TRIM44: variants seen among roughly 807,000 people sequenced by gnomAD.
TRIM44 encodes tripartite motif-containing protein 44.
A neutral mutation model predicts 37.4 loss-of-function variants in TRIM44; 13 were observed. The ratio of observed to expected loss-of-function variants is 0.35; its 90% CI spans 0.23 to 0.55. The LOEUF is 0.55. Ranked by LOEUF, TRIM44 falls within the 20% of genes least tolerant of loss-of-function variation. The probability of loss-of-function intolerance (pLI) is 0.89; values close to 1 mark genes in which losing one functional copy is unlikely to be tolerated. For synonymous variants in TRIM44, 175 were observed against 157.2 expected (o/e 1.11, Z -0.85); for missense variants, 426 against 437.2 (o/e 0.97, Z 0.23).
chr11:35,721,020 C>T (rs1295261475), intron 2 of TRIM44, among the ~76,000 whole-genome samples: 3 of 151,918 alleles, frequency 2.0e-5, no homozygotes, highest in Non-Finnish European at 4.4e-5. Flanking sequence ...TCTCGTGCCT[C>T]AGCCTCCTGA....
intron 3 of TRIM44, among the ~76,000 whole-genome samples, chr11:35,727,003 A>G (rs1479218974): frequency 6.6e-6 from 1 of 152,012 alleles, no homozygotes; most frequent in Non-Finnish European, 1.5e-5. Context: ...CTACAAAAAA[A>G]AAATAAAAAA....
rs184403262 is a variant in TRIM44 at position 35,760,394 on chromosome 11, A to T, written c.1007+24949A>T. Among the ~76,000 whole-genome samples the T allele has an allele frequency of 1.3e-4, 20 of 152,214 alleles. No homozygotes were observed. The East Asian group carries it at 3.7e-3, about 28-fold the overall frequency. On this transcript the variant is annotated intron_variant, in intron 4 of 4. Transcript: ENST00000299413. ...CCTGATGTTACAGGTGCCATCTGTC[A>T]CCCCTTTCTTTGACTAGGAAAGGGA...
chr11:35,807,792 T>TAC lies in TRIM44; in HGVS notation c.*1408_*1409dup, dbSNP rs1236223828. 2.0e-5 allele frequency: 3 copies of TAC among 152,336 alleles called. No homozygotes were observed. In the East Asian group the frequency reaches 5.8e-4, roughly 29 times the overall value. The allele number at this position is 152,336 out of a possible 1,614,324, so 9.4% of individuals were successfully genotyped here. On this transcript the variant is annotated 3_prime_UTR_variant, in exon 5 of 5. Coordinates refer to ENST00000299413, the MANE Select transcript of TRIM44 (RefSeq NM_017583.6). ...AGTGGGTTATGTGTTCACTCTCCTC[T>TAC]ACCTTTATGGTATTTTGGTGTTCAC...
intron 4 of TRIM44, among the ~76,000 whole-genome samples, chr11:35,765,145 A>C (rs1335360153): frequency 2.0e-5 from 3 of 152,132 alleles, no homozygotes; most frequent in African/African-American, 7.2e-5. Context: ...TTACAGAAAA[A>C]ATTTAAATCT....
intron 3 of TRIM44, among the ~76,000 whole-genome samples, chr11:35,729,708 G>A (rs1216908146): frequency 6.6e-6 from 1 of 152,154 alleles, no homozygotes; most frequent in Non-Finnish European, 1.5e-5. Context: ...TAAACTTAAG[G>A]TGACATATGA....
chr11:35,815,399 C>G lies in TRIM44; in HGVS notation c.*9014C>G, dbSNP rs546595429. On this transcript the variant is annotated 3_prime_UTR_variant, in exon 5 of 5. Transcript: ENST00000299413. ...GAACTATGATAGAGGAACAAGATTG[C>G]TCTTTGACTTGGTGATAGTAGGGCA... The G allele has an allele frequency of 7.9e-5, 12 of 152,218 alleles. No individual in the cohort carries two copies. The highest frequency in any genetic ancestry group is 1.3e-4 in the Non-Finnish European group (9 of 68,028). The allele number at this position is 152,218 out of a possible 1,614,324, so 9.4% of individuals were successfully genotyped here. A position where few individuals can be genotyped will look rare whatever the true frequency, so the allele number is the denominator to read the frequency against.
At chr11:35,775,348 A>G (rs903417293) in intron 4 of TRIM44, among the ~76,000 whole-genome samples, 1 of 152,252 alleles carries the variant, frequency 6.6e-6, no homozygotes, top group African/African-American at 2.4e-5. Flanking sequence ...GAAGTTGCTT[A>G]TCAGCTTAAG....
intron 2 of TRIM44, among the ~76,000 whole-genome samples, chr11:35,699,217 G>C (rs562725117): frequency 7.2e-6 from 1 of 139,214 alleles, no homozygotes; most frequent in Non-Finnish European, 1.7e-5. Context: ...GTCAGGTAGC[G>C]TGATGCCTCC....
At chr11:35,686,374 GTT>G (rs577200341) in intron 2 of TRIM44, among the ~76,000 whole-genome samples, 6 of 133,348 alleles carry the variant, frequency 4.5e-5, no homozygotes, top group Admixed American at 7.6e-5. Flanking sequence ...TTTTGTTTTT[GTT>G]TTTTTTTTTT....
At chr11:35,768,344 A>G (rs1716994064) in intron 4 of TRIM44, among the ~76,000 whole-genome samples, 1 of 152,212 alleles carries the variant, frequency 6.6e-6, no homozygotes, top group South Asian at 2.1e-4. Context: ...AAAATAAGTA[A>G]AAGAAGCTAA....
intron 4 of TRIM44, among the ~76,000 whole-genome samples, chr11:35,749,562 G>C (rs1235888654): frequency 6.6e-6 from 1 of 152,174 alleles, no homozygotes; most frequent in Non-Finnish European, 1.5e-5. Flanking sequence ...GCACACACCT[G>C]TAATCCCACC....
chr11:35,741,281 A>T (rs1852394087), intron 4 of TRIM44, among the ~76,000 whole-genome samples: 1 of 152,054 alleles, frequency 6.6e-6, no homozygotes, highest in South Asian at 2.1e-4. Context: ...CATGCTAAGG[A>T]TTGTTTATCC....
intron 4 of TRIM44, among the ~76,000 whole-genome samples, chr11:35,755,001 A>C (rs1409640363): frequency 6.6e-6 from 1 of 152,140 alleles, no homozygotes; most frequent in Non-Finnish European, 1.5e-5. Context: ...ATGTTTTATA[A>C]TCCTTTGGGT....
At chr11:35,663,802 C>T (rs1295901770) in intron 1 of TRIM44, 22 bp downstream of exon 1, 1 of 1,600,714 alleles carries the variant, frequency 6.2e-7, no homozygotes, top group African/African-American at 1.3e-5. Context: ...GCCTTCAGAG[C>T]ATAAACCTAG....
intron 2 of TRIM44, among the ~76,000 whole-genome samples, chr11:35,699,639 G>A (rs141707310): frequency 0.41 from 61,567 of 150,880 alleles, 13,712 homozygotes; most frequent in African/African-American, 0.6. Context: ...AGGGTATTCA[G>A]TTAGGAAAAG....
intron 2 of TRIM44, among the ~76,000 whole-genome samples, chr11:35,710,953 A>G (rs1341144185): frequency 6.6e-6 from 1 of 152,216 alleles, no homozygotes; most frequent in East Asian, 1.9e-4. Flanking sequence ...AAAAGACCAA[A>G]TATATGATTC....
chr11:35,790,305 C>T (rs974049692), intron 4 of TRIM44, among the ~76,000 whole-genome samples: 1 of 152,144 alleles, frequency 6.6e-6, no homozygotes, highest in Non-Finnish European at 1.5e-5. Flanking sequence ...ACACCTTAGA[C>T]TACAGGAACA....
chr11:35,678,253 G>T (rs1167038000), intron 1 of TRIM44, among the ~76,000 whole-genome samples: 1 of 152,178 alleles, frequency 6.6e-6, no homozygotes, highest in Non-Finnish European at 1.5e-5. Context: ...CTGTTGGGTA[G>T]CAAGAGTGGG....
intron 1 of TRIM44, among the ~76,000 whole-genome samples, chr11:35,669,455 C>CATTT (rs1260206207): frequency 2.1e-5 from 3 of 140,622 alleles, no homozygotes; most frequent in East Asian, 2.2e-4. Flanking sequence ...GAAAGGATCC[C>CATTT]CTTTATTTAT....
Sources: allele counts gnomAD v4.1 joint callset (sites outside exome capture counted in the v4.1 genomes callset), GRCh38; gene constraint gnomAD v4.1.1; transcripts MANE v1.5; gene names NCBI Gene and HGNC (gene_info 2026-07-23, HGNC 2026-07-21).